Variants in TPGS2 observed in about 807,000 individuals in gnomAD.
The protein encoded by TPGS2 is tubulin polyglutamylase complex subunit 2.
Under a neutral mutation model 31.1 loss-of-function variants are expected in TPGS2, and 26 were observed. The ratio of observed to expected loss-of-function variants is 0.84; its 90% CI spans 0.61 to 1.16. The LOEUF is 1.16. TPGS2 is among the 50% of genes most tolerant of loss of function. TPGS2 has a pLI of 0.00. For missense variants in TPGS2, 351 were observed against 363.8 expected (o/e 0.96, Z 0.29); for synonymous variants, 130 against 136.6 (o/e 0.95, Z 0.34).
At chr18:36,812,648 A>G (rs978927068) in intron 2 of TPGS2, among the ~76,000 whole-genome samples, 3 of 152,188 alleles carry the variant, frequency 2.0e-5, no homozygotes, top group African/African-American at 7.2e-5. Context: ...ACTCTAGCAA[A>G]TTAATTGAAC....
downstream of TPGS2, chr18:36,789,702 G>C (rs1306280832): frequency 1.3e-5 from 2 of 152,130 alleles, no homozygotes; most frequent in Admixed American, 6.5e-5. Flanking sequence ...CATAATTCCC[G>C]TATGTTGTGG....
chr18:36,799,937 TTTTAG>T (rs1464754245), intron 5 of TPGS2, among the ~76,000 whole-genome samples: 1 of 152,214 alleles, frequency 6.6e-6, no homozygotes, highest in Non-Finnish European at 1.5e-5. Context: ...TGCCTATTTC[TTTTAG>T]TTTTTACTCC....
chr18:36,800,094 C>G, intron 5 of TPGS2, 104 bp downstream of exon 5: 1 of 990,690 alleles, frequency 1.0e-6, no homozygotes, highest in East Asian at 2.4e-5. Context: ...CTGGGAGCAT[C>G]TCAAGAGGCC....
downstream of TPGS2, among the ~76,000 whole-genome samples, chr18:36,790,857 TTTA>T (rs1445905302): frequency 6.6e-6 from 1 of 152,190 alleles, no homozygotes. Context: ...TGATTTTAGG[TTTA>T]TTAATATTTC....
At chr18:36,783,234 C>G (rs2044056989) in intron 6 of TPGS2, 3 of 388,858 alleles carry the variant, frequency 7.7e-6, no homozygotes, top group Non-Finnish European at 1.4e-5. Flanking sequence ...CTTGATGCCA[C>G]TCATTCTGAC....
At chr18:36,822,061 T>C (rs2045916914) in intron 1 of TPGS2, among the ~76,000 whole-genome samples, 1 of 152,218 alleles carries the variant, frequency 6.6e-6, no homozygotes, top group South Asian at 2.1e-4. Flanking sequence ...CTCAGAGGGC[T>C]GGAAGTTGTA....
chr18:36,797,943 TGTG>T, intron 6 of TPGS2: 1 of 163,150 alleles, frequency 6.1e-6, no homozygotes. Flanking sequence ...TGGAGTGTTA[TGTG>T]AAAAGAACAA....
chr18:36,818,188 T>C (rs2045740499), intron 2 of TPGS2, among the ~76,000 whole-genome samples: 2 of 152,276 alleles, frequency 1.3e-5, no homozygotes, highest in South Asian at 4.1e-4. Context: ...GTTAACAATT[T>C]CTTATTGCTT....
intron 1 of TPGS2, among the ~76,000 whole-genome samples, chr18:36,821,511 T>C (rs985074697): frequency 2.6e-5 from 4 of 152,218 alleles, no homozygotes; most frequent in African/African-American, 9.7e-5. Context: ...ACAGTCTCTC[T>C]GAGGTATTTA....
In TPGS2 at chr18:36,828,840, T is replaced by C; in HGVS notation, c.-73A>G. 1 of 1,551,634 alleles carries C rather than the reference T, an allele frequency of 6.4e-7. No homozygotes were observed. The highest frequency in any genetic ancestry group is 1.1e-5 in the South Asian group (1 of 88,894). On this transcript the variant is annotated 5_prime_UTR_variant, in exon 1 of 7. Coordinates refer to ENST00000334295, the MANE Select transcript of TPGS2 (RefSeq NM_015476.4). ...ACCCCGCCTCAGCGCCGAGGCCAAT[T>C]TCATGGCATGCCGGGAACGGTAGTT... is the stretch of plus-strand genomic sequence containing the variant.
intron 6 of TPGS2, among the ~76,000 whole-genome samples, chr18:36,787,283 A>G (rs1044163025): frequency 2.6e-5 from 4 of 152,204 alleles, no homozygotes; most frequent in African/African-American, 9.7e-5. Flanking sequence ...CCAGCTAAGC[A>G]GAGGGTTTGG....
downstream of TPGS2, chr18:36,781,799 G>A (rs948636): frequency 2.0e-5 from 20 of 985,176 alleles, no homozygotes; most frequent in East Asian, 7.9e-4. Context: ...CCCCACTTAC[G>A]GAGACAGGGA....
chr18:36,806,964 G>T (rs868304735), intron 3 of TPGS2, among the ~76,000 whole-genome samples: 1 of 150,442 alleles, frequency 6.6e-6, no homozygotes, highest in African/African-American at 2.4e-5. Context: ...GTAGAAGGCC[G>T]AGGCAACAAA....
In TPGS2 at chr18:36,795,324, A is replaced by C. The variant is rs2044478073; in HGVS notation, c.*1481T>G. On this transcript the variant is annotated 3_prime_UTR_variant, in exon 7 of 7. Transcript: ENST00000334295. The stretch of plus-strand genomic sequence containing the variant: ...CAGTGCAAAGGAAGGAAGTCTGGCC[A>C]ATCACCGGGGTAGAGAGAAGTCAGG... The C allele has an allele frequency of 6.1e-6, 6 of 985,486 alleles. No individual in the cohort carries two copies. The highest frequency in any genetic ancestry group is 1.7e-5 in the African/African-American group (1 of 57,250). 61.0% of individuals were successfully genotyped at this position (985,486 alleles called of 1,614,324 possible). A position where few individuals can be genotyped will look rare whatever the true frequency, so the allele number is the denominator to read the frequency against.
Position 36,796,188 on chromosome 18 carries a change from T to C in TPGS2, c.*617A>G, listed in dbSNP as rs1028857269. On this transcript the variant is annotated 3_prime_UTR_variant, in exon 7 of 7. Transcript: ENST00000334295. The stretch of plus-strand genomic sequence containing the variant: ...ACTTGAGAGGTTTCATGGAACATTA[T>C]GACCCATCCAATGAAGACATCAACA... The C allele has an allele frequency of 1.0e-6, 1 of 985,426 alleles. No homozygotes were observed. Among genetic ancestry groups the C allele is most frequent in the African/African-American group, 1.7e-5 (1 of 57,362 alleles). The allele number at this position is 985,426 out of a possible 1,614,324, so 61.0% of individuals were successfully genotyped here. A position where few individuals can be genotyped will look rare whatever the true frequency, so the allele number is the denominator to read the frequency against.
intron 6 of TPGS2, chr18:36,786,616 A>G: frequency 1.1e-5 from 4 of 379,648 alleles, no homozygotes; most frequent in Non-Finnish European, 1.8e-5. Context: ...ATTGTCACAA[A>G]GTTGTTCCGT....
chr18:36,803,891 GT>G (rs923034666), intron 4 of TPGS2, among the ~76,000 whole-genome samples: 5 of 149,042 alleles, frequency 3.4e-5, no homozygotes, highest in African/African-American at 7.4e-5. Flanking sequence ...CTCTGGTTGT[GT>G]TTTTTTTTTA....
At chr18:36,787,337 C>G (rs1327305843) in intron 6 of TPGS2, among the ~76,000 whole-genome samples, 3 of 152,124 alleles carry the variant, frequency 2.0e-5, no homozygotes, top group African/African-American at 7.2e-5. Context: ...TGTTTCCCTT[C>G]AGAGAGAGAC....
chr18:36,791,898 C>T (rs7226408), downstream of TPGS2, among the ~76,000 whole-genome samples: 30,616 of 151,664 alleles, frequency 0.2, 3,691 homozygotes, highest in African/African-American at 0.33. Flanking sequence ...AACCAGGTGG[C>T]GTGTGCCTCT....
Sources: allele counts gnomAD v4.1 joint callset (sites outside exome capture counted in the v4.1 genomes callset), GRCh38; gene constraint gnomAD v4.1.1; transcripts MANE v1.5; gene names NCBI Gene and HGNC (gene_info 2026-07-23, HGNC 2026-07-21).